Variants in DLGAP2 observed in about 807,000 individuals in gnomAD.
DLGAP2 encodes the protein DLG associated protein 2.
Under a neutral mutation model 100.3 loss-of-function variants are expected in DLGAP2, and 26 were observed. The observed-to-expected ratio is 0.26, with a 90% confidence interval of 0.19 to 0.36. The LOEUF (loss-of-function observed/expected upper bound fraction) is 0.36. Among genes scored for constraint, DLGAP2 ranks in the 10% least tolerant of loss-of-function variants. The pLI, the probability that DLGAP2 is intolerant of heterozygous loss-of-function variation, is 1.00. For missense variants in DLGAP2, 1,858 were observed against 1,453.2 expected (o/e 1.28, Z -4.53); for synonymous variants, 886 against 630.1 (o/e 1.41, Z -6.08).
At chr8:1,314,677 G>C (rs1456961201) in intron 3 of DLGAP2, among the ~76,000 whole-genome samples, 1 of 152,190 alleles carries the variant, frequency 6.6e-6, no homozygotes, top group African/African-American at 2.4e-5. Context: ...GCCTGGGGCT[G>C]GGCTGCTGGG....
At chr8:767,949 C>G (rs1821256590) in intron 1 of DLGAP2, among the ~76,000 whole-genome samples, 1 of 152,136 alleles carries the variant, frequency 6.6e-6, no homozygotes, top group South Asian at 2.1e-4. Flanking sequence ...CTGTTTTTTA[C>G]AATGTAAGAA....
intron 2 of DLGAP2, among the ~76,000 whole-genome samples, chr8:1,232,141 G>A (rs147623808): frequency 1.4e-4 from 21 of 152,312 alleles, no homozygotes; most frequent in African/African-American, 3.6e-4. Flanking sequence ...ATCCAGCACT[G>A]TCCCCTTCAC....
intron 4 of DLGAP2, among the ~76,000 whole-genome samples, chr8:1,534,131 C>T (rs1314118910): frequency 1.3e-5 from 2 of 152,018 alleles, no homozygotes; most frequent in Non-Finnish European, 2.9e-5. Context: ...CACCCAAAAC[C>T]GTATAAAAGG....
intron 7 of DLGAP2, among the ~76,000 whole-genome samples, chr8:1,628,698 C>G (rs1400219407): frequency 6.6e-6 from 1 of 150,376 alleles, no homozygotes; most frequent in Non-Finnish European, 1.5e-5. Context: ...CACATTCTCT[C>G]TGACTTACTG....
At chr8:1,388,431 A>G (rs113472951) in intron 3 of DLGAP2, among the ~76,000 whole-genome samples, 107 of 43,378 alleles carry the variant, frequency 2.5e-3, no homozygotes, top group Middle Eastern at 0.016. Flanking sequence ...CGCTGGTTCA[A>G]GTGTCAGGGC....
At chr8:1,097,784 C>T (rs1372088495) in intron 2 of DLGAP2, among the ~76,000 whole-genome samples, 13 of 128,046 alleles carry the variant, frequency 1.0e-4, no homozygotes, top group African/African-American at 2.9e-4. Flanking sequence ...TGGAGAGGAC[C>T]CCTCCAGCGT....
At chr8:1,694,606 A>T (rs55837856) in intron 13 of DLGAP2, among the ~76,000 whole-genome samples, 1 of 152,144 alleles carries the variant, frequency 6.6e-6, no homozygotes, top group Non-Finnish European at 1.5e-5. Flanking sequence ...CCAGAAACTT[A>T]GTCTCATTCA....
At chr8:1,146,771 G>A (rs150536575) in intron 2 of DLGAP2, among the ~76,000 whole-genome samples, 3 of 152,312 alleles carry the variant, frequency 2.0e-5, no homozygotes, top group African/African-American at 7.2e-5. Flanking sequence ...AGGACAAGCC[G>A]TCCCCACTGT....
intron 2 of DLGAP2, among the ~76,000 whole-genome samples, chr8:1,204,698 C>G (rs1191953547): frequency 6.6e-6 from 1 of 152,094 alleles, no homozygotes; most frequent in Non-Finnish European, 1.5e-5. Context: ...TCCTTGACAT[C>G]TGCCTGGAAA....
intron 3 of DLGAP2, among the ~76,000 whole-genome samples, chr8:1,474,566 A>ATGAG (rs1288286135): frequency 6.6e-6 from 1 of 152,198 alleles, no homozygotes; most frequent in Non-Finnish European, 1.5e-5. Flanking sequence ...ATTATGACCA[A>ATGAG]TGAGTAGGCA....
chr8:1,532,835 T>C (rs1252318039), intron 4 of DLGAP2, among the ~76,000 whole-genome samples: 3 of 152,178 alleles, frequency 2.0e-5, no homozygotes, highest in African/African-American at 7.2e-5. Flanking sequence ...GGAATTGAAC[T>C]CACAAAAAGG....
At chr8:1,274,376 T>G (rs1799640912) in intron 3 of DLGAP2, among the ~76,000 whole-genome samples, 2 of 152,010 alleles carry the variant, frequency 1.3e-5, no homozygotes, top group African/African-American at 4.8e-5. Flanking sequence ...AACCATAAAA[T>G]AAGCCAACAT....
At chr8:793,104 C>G (rs1585868362) in intron 1 of DLGAP2, among the ~76,000 whole-genome samples, 1 of 152,216 alleles carries the variant, frequency 6.6e-6, no homozygotes, top group African/African-American at 2.4e-5. Context: ...GCCGCTGGCT[C>G]TTCTCCCATG....
chr8:1,344,083 C>CATACTCGGGGCCCTGTCGTGGGTCCAT (rs1563094876), intron 3 of DLGAP2, among the ~76,000 whole-genome samples: 17 of 29,840 alleles, frequency 5.7e-4, no homozygotes, highest in Admixed American at 2.2e-3. Context: ...CTGCAAATGT[C>CATACTCGGGGCCCTGTCGTGGGTCCAT]GTACTCGGGG....
In DLGAP2 at chr8:1,521,265, T is replaced by C. The variant is rs113527381; in HGVS notation, c.172+19834T>C. On this transcript the variant is annotated intron_variant, in intron 4 of 14. Coordinates refer to ENST00000637795, the MANE Select transcript of DLGAP2 (RefSeq NM_001346810.2). ...CACACTTGTTTTAATTTGGAATACT[T>C]GGGGGCAGGTGATATGGGGCATCTC... Among the ~76,000 whole-genome samples, 18 of 73,586 alleles carry C rather than the reference T, an allele frequency of 2.4e-4. 1 individual carries two copies. Among genetic ancestry groups the C allele is most frequent in the South Asian group, 8.1e-4 (1 of 1,240 alleles). 48.3% of individuals were successfully genotyped at this position (73,586 alleles called of 152,430 possible).
chr8:1,043,240 GTGTGGGTGGTGGGTGTGGGTGGTGGA>G (rs1802418648), intron 2 of DLGAP2, among the ~76,000 whole-genome samples: 1 of 78,770 alleles, frequency 1.3e-5, no homozygotes, highest in Admixed American at 1.3e-4. Flanking sequence ...TGGGTGGTGG[GTGTGGGTGGTGGGTGTGGGTGGTGGA>G]TGTGGGTGGT....
At chr8:1,333,901 C>T (rs1417965763) in intron 3 of DLGAP2, among the ~76,000 whole-genome samples, 1 of 152,246 alleles carries the variant, frequency 6.6e-6, no homozygotes, top group Non-Finnish European at 1.5e-5. Flanking sequence ...TGCATCCTTG[C>T]CTCCCATCTG....
intron 2 of DLGAP2, among the ~76,000 whole-genome samples, chr8:1,144,189 G>A (rs1470544747): frequency 1.3e-5 from 2 of 152,202 alleles, no homozygotes; most frequent in Non-Finnish European, 2.9e-5. Flanking sequence ...CAGCGGGCGC[G>A]TTTTCACCGC....
intron 2 of DLGAP2, among the ~76,000 whole-genome samples, chr8:1,207,261 C>T (rs552185128): frequency 5.3e-5 from 8 of 152,294 alleles, no homozygotes; most frequent in Non-Finnish European, 8.8e-5. Context: ...CCCCAAAGTC[C>T]ATTGTGTCAT....
Sources: gnomAD v4.1 joint callset for allele counts (sites outside exome capture counted in the v4.1 genomes callset) on GRCh38, gnomAD v4.1.1 for gene constraint, MANE v1.5 for transcripts, NCBI Gene and HGNC (gene_info 2026-07-23, HGNC 2026-07-21) for gene names.